Variants in SNW1 observed in about 807,000 individuals in gnomAD.
The protein encoded by SNW1 is SNW domain containing 1, also known as SNW domain-containing protein 1.
A neutral mutation model predicts 75.6 loss-of-function variants in SNW1; 9 were observed. The observed-to-expected ratio is 0.12, with a 90% CI of 0.07 to 0.21. The LOEUF is 0.21. Among genes scored for constraint, SNW1 ranks in the 10% least tolerant of loss-of-function variants. The pLI is 1.00. For missense variants in SNW1, 409 were observed against 670.9 expected (o/e 0.61, Z 4.31); for synonymous variants, 200 against 219.1 (o/e 0.91, Z 0.77).
At chr14:77,728,214 C>G (rs1311790738) in intron 10 of SNW1, among the ~76,000 whole-genome samples, 1 of 152,060 alleles carries the variant, frequency 6.6e-6, no homozygotes, top group Non-Finnish European at 1.5e-5. Flanking sequence ...CTTTGAGAGG[C>G]TGAGGCAGGT....
At chr14:77,727,685 A>C (rs1231294977) in intron 10 of SNW1, among the ~76,000 whole-genome samples, 1 of 152,198 alleles carries the variant, frequency 6.6e-6, no homozygotes, top group Non-Finnish European at 1.5e-5. Flanking sequence ...GTGATGTATC[A>C]CATTTACTGA....
At chr14:77,741,722 A>C (rs1446053754) in intron 3 of SNW1, among the ~76,000 whole-genome samples, 3 of 151,876 alleles carry the variant, frequency 2.0e-5, no homozygotes, top group African/African-American at 7.3e-5. Context: ...CCCTAAGCTG[A>C]AAATTATATA....
chr14:77,745,924 T>C (rs1023990200), intron 3 of SNW1, among the ~76,000 whole-genome samples: 7 of 151,816 alleles, frequency 4.6e-5, no homozygotes, highest in African/African-American at 1.7e-4. Flanking sequence ...CTTAGAAAGC[T>C]GGGGTGAAAG....
chr14:77,760,611 G>C lies in SNW1; in HGVS notation c.14+503C>G, dbSNP rs571211312. 5.7e-6 allele frequency: 4 copies of C among 701,876 alleles called. 1 individual carries two copies. In the South Asian group the frequency reaches 5.9e-5, roughly 10 times the overall value. 43.5% of individuals were successfully genotyped at this position (701,876 alleles called of 1,614,324 possible). Reference sequence around the variant, plus strand: ...TCAGCAGACGGCGGTCACTACTGTGGCTCATTTAAATCTGTGTTCAGCTCC... The same window carrying C: ...TCAGCAGACGGCGGTCACTACTGTGCCTCATTTAAATCTGTGTTCAGCTCC... On this transcript the variant is annotated intron_variant, in intron 1 of 13. Transcript: ENST00000261531.
chr14:77,747,840 C>A (rs866087061), intron 3 of SNW1, among the ~76,000 whole-genome samples: 34 of 151,504 alleles, frequency 2.2e-4, no homozygotes, highest in African/African-American at 8.3e-4. Context: ...AGGTGGGGGG[C>A]GCCTCTGCCC....
intron 3 of SNW1, among the ~76,000 whole-genome samples, chr14:77,749,971 C>T (rs1484663368): frequency 1.3e-5 from 2 of 152,052 alleles, no homozygotes; most frequent in Non-Finnish European, 2.9e-5. Context: ...GTGGCAGAAG[C>T]AGGAGGATTG....
chr14:77,734,725 A>G (rs2080656625), intron 8 of SNW1, among the ~76,000 whole-genome samples: 2 of 131,138 alleles, frequency 1.5e-5, no homozygotes, highest in Admixed American at 1.6e-4. Flanking sequence ...TGACAGAGCG[A>G]GACTCCGTCT....
At chr14:77,730,733 G>A (rs2080621365) in intron 10 of SNW1, 1 of 346,244 alleles carries the variant, frequency 2.9e-6, no homozygotes, top group Non-Finnish European at 5.2e-6. Flanking sequence ...GAGTAATAAT[G>A]CAATTTTGAA....
chr14:77,737,161 T>G, intron 5 of SNW1, 86 bp from the exon 6 acceptor site: 1 of 953,012 alleles, frequency 1.0e-6, no homozygotes, highest in East Asian at 2.4e-5. Flanking sequence ...TAAGCTAGAC[T>G]ACATTTTCAA....
chr14:77,734,308 T>C (rs2080652391), intron 8 of SNW1, among the ~76,000 whole-genome samples: 2 of 152,232 alleles, frequency 1.3e-5, no homozygotes, highest in Non-Finnish European at 2.9e-5. Context: ...CATATAATCT[T>C]TTACATCAGT....
At chr14:77,750,667 GAA>G (rs34375366) in intron 3 of SNW1, among the ~76,000 whole-genome samples, 51 of 149,926 alleles carry the variant, frequency 3.4e-4, no homozygotes, top group African/African-American at 1.0e-3. Context: ...TTATTTACAA[GAA>G]AAAAAAAAAA....
At chr14:77,757,277 T>C (rs925395423) in intron 1 of SNW1, among the ~76,000 whole-genome samples, 1 of 151,618 alleles carries the variant, frequency 6.6e-6, no homozygotes, top group Admixed American at 6.6e-5. Context: ...TAAGTTATGA[T>C]GGAAAAATAT....
At chr14:77,724,958 T>G (rs763638655) in intron 10 of SNW1, among the ~76,000 whole-genome samples, 5 of 152,212 alleles carry the variant, frequency 3.3e-5, no homozygotes, top group Non-Finnish European at 5.9e-5. Context: ...CTAATTTATA[T>G]TCTTACTAAA....
chr14:77,731,423 TA>T (rs933660255), intron 9 of SNW1, among the ~76,000 whole-genome samples: 2 of 152,164 alleles, frequency 1.3e-5, no homozygotes, highest in African/African-American at 2.4e-5. Context: ...AGAACAAAAT[TA>T]AAGCCAGGCA....
At chr14:77,744,482 GAAAAGAAAA>G (rs1338860230) in intron 3 of SNW1, among the ~76,000 whole-genome samples, 3 of 139,258 alleles carry the variant, frequency 2.2e-5, no homozygotes, top group Admixed American at 7.1e-5. Flanking sequence ...GTAAAGAAAA[GAAAAGAAAA>G]AAAAGAGAAA....
At chr14:77,736,402 A>G (rs942671633) in intron 6 of SNW1, among the ~76,000 whole-genome samples, 1 of 152,076 alleles carries the variant, frequency 6.6e-6, no homozygotes, top group African/African-American at 2.4e-5. Flanking sequence ...ACAAAAACTT[A>G]GCTGGGCATT....
chr14:77,736,112 A>C (rs1192432274), intron 6 of SNW1, 106 bp from the exon 7 acceptor site: 5 of 747,734 alleles, frequency 6.7e-6, no homozygotes, highest in Non-Finnish European at 1.1e-5. Flanking sequence ...AACATAGACA[A>C]AAACAGAGAC....
chr14:77,744,446 CAAAAA>C (rs11335115), intron 3 of SNW1, among the ~76,000 whole-genome samples: 1 of 82,962 alleles, frequency 1.2e-5, no homozygotes, highest in Non-Finnish European at 2.2e-5. Context: ...GTCTCCATCT[CAAAAA>C]AAAAAAAAAA....
rs1297675246 is a variant in SNW1, at chr14:77,718,098, C to T, written c.1601G>A (p.Arg534Lys). 2.2e-5 allele frequency: 35 copies of T among 1,583,528 alleles called. No homozygotes were observed. Among genetic ancestry groups the T allele is most frequent in the Non-Finnish European group, 2.9e-5 (34 of 1,165,266 alleles). Reference sequence around the variant, plus strand: ...TGGAGAGACCTGTGCCTATTCCTTCCTCCTCTTCTTGCCTTCATGCTCGTG... The same window carrying T: ...TGGAGAGACCTGTGCCTATTCCTTCTTCCTCTTCTTGCCTTCATGCTCGTG... The part of the protein sequence containing the change: ...KEHEHEGKKR[R>K]KE Residue 534 changes from arginine (R) to lysine (K), a missense_variant, in exon 14 of 14, where the codon AGG becomes AAG. Physicochemically the swap from Arg to Lys is conservative, Grantham distance 26 (BLOSUM62 2). Transcript: ENST00000261531.
Sources: allele counts gnomAD v4.1 joint callset (sites outside exome capture counted in the v4.1 genomes callset), GRCh38; gene constraint gnomAD v4.1.1; transcripts MANE v1.5; gene names NCBI Gene and HGNC (gene_info 2026-07-23, HGNC 2026-07-21).